Variants in SCLT1 observed in about 807,000 individuals in gnomAD.
SCLT1 encodes the protein sodium channel-associated protein 1.
In SCLT1, 78 loss-of-function variants were observed where a neutral mutation model predicts 112.8. That is an observed-to-expected ratio of 0.69 (90% CI 0.58 to 0.83). The LOEUF is 0.83. Among genes scored for constraint, SCLT1 ranks in the 40% least tolerant of loss-of-function variants. SCLT1 has a pLI of 0.00. For synonymous variants in SCLT1, 257 were observed against 254.7 expected (o/e 1.01, Z -0.09); for missense variants, 747 against 770.4 (o/e 0.97, Z 0.36).
chr4:129,042,399 G>A (rs1747775743), intron 4 of SCLT1, among the ~76,000 whole-genome samples: 1 of 152,054 alleles, frequency 6.6e-6, no homozygotes, highest in African/African-American at 2.4e-5. Context: ...AAACAATTTT[G>A]TGCTATTATT....
At chr4:129,027,448 C>T (rs544621261) in intron 5 of SCLT1, among the ~76,000 whole-genome samples, 28 of 152,224 alleles carry the variant, frequency 1.8e-4, no homozygotes, top group African/African-American at 5.3e-4. Context: ...TCAATAGATG[C>T]GGAAAAGGCC....
chr4:128,948,359 A>AT, intron 15 of SCLT1, 137 bp downstream of exon 15: 1 of 780,356 alleles, frequency 1.3e-6, no homozygotes, highest in Non-Finnish European at 1.7e-6. Flanking sequence ...AAAAAAAAAA[A>AT]GAAAAGAAAA....
chr4:129,047,721 C>G (rs1748321036), intron 2 of SCLT1, among the ~76,000 whole-genome samples: 1 of 152,014 alleles, frequency 6.6e-6, no homozygotes, highest in African/African-American at 2.4e-5. Context: ...TTTTGATTTG[C>G]ATTTCTCTAA....
Position 128,942,980 on chromosome 4 carries a change from CTA to C in SCLT1, c.1632+14_1632+15del. ...GATTTTCATAAGTACACATTTAACT[CTA>C]GTCTTGAAAATACCTTTACTTTGGC... is the stretch of plus-strand genomic sequence containing the variant. On this transcript the variant is annotated intron_variant, in intron 17 of 20. Coordinates refer to ENST00000281142, the MANE Select transcript of SCLT1 (RefSeq NM_144643.4). 6.4e-7 allele frequency: 1 copy of C among 1,567,646 alleles called. No homozygotes were observed. The highest frequency in any genetic ancestry group is 8.7e-7 in the Non-Finnish European group (1 of 1,147,920).
At chr4:128,969,769 G>A (rs1215377253) in intron 10 of SCLT1, among the ~76,000 whole-genome samples, 1 of 152,018 alleles carries the variant, frequency 6.6e-6, no homozygotes, top group Non-Finnish European at 1.5e-5. Context: ...GCTTTCTGGT[G>A]TTTTAAAAAT....
At chr4:128,938,113 T>A (rs942067618) in intron 17 of SCLT1, among the ~76,000 whole-genome samples, 1 of 152,248 alleles carries the variant, frequency 6.6e-6, no homozygotes, top group Non-Finnish European at 1.5e-5. Flanking sequence ...TATTTTGTGA[T>A]ACTTTAATTG....
intron 8 of SCLT1, chr4:128,997,089 A>G (rs1743076408): frequency 6.6e-6 from 1 of 152,016 alleles, no homozygotes; most frequent in African/African-American, 2.4e-5. Flanking sequence ...AGTATCAAAA[A>G]CTGTATGTAA....
In SCLT1 at chr4:128,931,948, C is replaced by CT. The variant is rs33969702; in HGVS notation, c.1829+4706dup. 2.7e-3 allele frequency among the ~76,000 whole-genome samples: 396 copies of CT among 146,296 alleles called. 1 individual carries two copies. Among genetic ancestry groups the CT allele is most frequent in the African/African-American group, 7.8e-3 (311 of 39,808 alleles). On this transcript the variant is annotated intron_variant, in intron 18 of 20. Coordinates refer to ENST00000281142, the MANE Select transcript of SCLT1 (RefSeq NM_144643.4). ...CCTAAAATCTATTATATTTCTATCC[C>CT]TTTTTTTTTTTTTAACAATTATAGC...
At chr4:129,030,304 C>A (rs904679057) in intron 5 of SCLT1, among the ~76,000 whole-genome samples, 1 of 152,060 alleles carries the variant, frequency 6.6e-6, no homozygotes, top group Non-Finnish European at 1.5e-5. Flanking sequence ...TGGGACACAG[C>A]TAAAGCAGTG....
At chr4:129,063,118 C>CTTGA (rs1479781671) in intron 2 of SCLT1, among the ~76,000 whole-genome samples, 2 of 152,224 alleles carry the variant, frequency 1.3e-5, no homozygotes, top group Non-Finnish European at 2.9e-5. Context: ...AAATGACCTG[C>CTTGA]TTTCAAGTTC....
At chr4:129,031,323 G>C (rs1746699603) in intron 5 of SCLT1, among the ~76,000 whole-genome samples, 1 of 152,072 alleles carries the variant, frequency 6.6e-6, no homozygotes, top group Non-Finnish European at 1.5e-5. Flanking sequence ...AAATTAGTAA[G>C]AGGTATTTAT....
intron 1 of SCLT1, among the ~76,000 whole-genome samples, chr4:129,083,139 C>A (rs111949354): frequency 1.6e-5 from 2 of 125,144 alleles, no homozygotes; most frequent in African/African-American, 2.9e-5. Context: ...TGCAGTGAGC[C>A]AAGATCGCAC....
At chr4:129,029,684 TAAAC>T (rs1560987948) in intron 5 of SCLT1, among the ~76,000 whole-genome samples, 1 of 150,914 alleles carries the variant, frequency 6.6e-6, no homozygotes, top group Non-Finnish European at 1.5e-5. Flanking sequence ...ATAATAATAA[TAAAC>T]AAACAAAAAA....
chr4:129,081,107 C>A (rs949185331), intron 2 of SCLT1, among the ~76,000 whole-genome samples: 1 of 152,140 alleles, frequency 6.6e-6, no homozygotes, highest in Non-Finnish European at 1.5e-5. Flanking sequence ...CCACTCCTAC[C>A]CATTTCAGTC....
chr4:129,030,550 T>A (rs1330632093), intron 5 of SCLT1, among the ~76,000 whole-genome samples: 1 of 151,990 alleles, frequency 6.6e-6, no homozygotes, highest in African/African-American at 2.4e-5. Context: ...ATTAACAATA[T>A]AGACGGACCT....
intron 2 of SCLT1, among the ~76,000 whole-genome samples, chr4:129,046,983 G>A (rs545686400): frequency 6.6e-6 from 1 of 152,106 alleles, no homozygotes; most frequent in Non-Finnish European, 1.5e-5. Context: ...TTTCTCTAAT[G>A]GGTAATTGTT....
chr4:128,882,405 C>A (rs1301568229), downstream of SCLT1, among the ~76,000 whole-genome samples: 1 of 152,224 alleles, frequency 6.6e-6, no homozygotes, highest in Non-Finnish European at 1.5e-5. Flanking sequence ...TTGATACTAT[C>A]AACCATGTGC....
At chr4:128,960,889 C>T (rs1427670180) in intron 11 of SCLT1, among the ~76,000 whole-genome samples, 3 of 129,774 alleles carry the variant, frequency 2.3e-5, no homozygotes, top group Non-Finnish European at 3.1e-5. Flanking sequence ...CACTGCAGTC[C>T]GCAGTCCGGC....
rs76803416 is a variant in SCLT1 at position 129,012,932 on chromosome 4, C to G, written c.291-9056G>C. 2.6e-5 allele frequency among the ~76,000 whole-genome samples: 4 copies of G among 152,214 alleles called. No individual in the cohort carries two copies. The East Asian group carries it at 7.7e-4, about 29-fold the overall frequency. ...GCATGTGAGATAGGACTCTTAAAGA[C>G]AGCATACCAACGGGTTTTGCTTCTT... On this transcript the variant is annotated intron_variant, in intron 5 of 20. Transcript: ENST00000281142.
Sources: allele counts gnomAD v4.1 joint callset (sites outside exome capture counted in the v4.1 genomes callset), GRCh38; gene constraint gnomAD v4.1.1; transcripts MANE v1.5; gene names NCBI Gene and HGNC (gene_info 2026-07-23, HGNC 2026-07-21).